The following NCOR2 variants were observed in gnomAD, a reference collection of about 807,000 sequenced individuals.
NCOR2 encodes CTG repeat protein 26.
NCOR2 carries 81 observed loss-of-function variants against 262.9 expected under a neutral mutation model. The ratio of observed to expected loss-of-function variants is 0.31; its 90% CI spans 0.26 to 0.37. The LOEUF (loss-of-function observed/expected upper bound fraction) is 0.37, where lower values mean the gene tolerates loss of function less well. Ranked by LOEUF, NCOR2 falls within the 10% of genes least tolerant of loss-of-function variation. NCOR2 has a pLI of 1.00. For synonymous variants in NCOR2, 1,659 were observed against 1,559.3 expected, an observed-to-expected ratio of 1.06 and a Z score of -1.51; for missense variants, 3,385 against 3,621.4, an observed-to-expected ratio of 0.93 and a Z score of 1.68.
intron 44 of NCOR2, among the ~76,000 whole-genome samples, chr12:124,330,574 C>T (rs1051128326): frequency 6.6e-6 from 1 of 152,230 alleles, no homozygotes; most frequent in African/African-American, 2.4e-5. Flanking sequence ...GAGTTTCCAG[C>T]TGGTGAGGGT....
chr12:124,330,785 G>T, intron 44 of NCOR2, 60 bp downstream of exon 46: 1 of 1,523,634 alleles, frequency 6.6e-7, no homozygotes, highest in Non-Finnish European at 8.9e-7. Flanking sequence ...AGCTGGAGCA[G>T]GGGTGGGGAG....
rs748272640 is a variant in NCOR2, at chr12:124,346,517, G to GC, written c.4359+46dup. On this transcript the variant is annotated intron_variant, in intron 31 of 46. Transcript: ENST00000405201. ...CCCAGGGCAGTGCCCCACAGCCACC[G>GC]CCACCCCTCCTAGAACTGGGCCCGT... 3.5e-6 allele frequency: 5 copies of GC among 1,424,946 alleles called. No individual in the cohort carries two copies. In the South Asian group the frequency reaches 4.5e-5, roughly 13 times the overall value. The allele number at this position is 1,424,946 out of a possible 1,614,324, so 88.3% of individuals were successfully genotyped here. A position where few individuals can be genotyped will look rare whatever the true frequency, so the allele number is the denominator to read the frequency against.
chr12:124,385,261 C>A (rs879269027), intron 17 of NCOR2, among the ~76,000 whole-genome samples: 1 of 152,182 alleles, frequency 6.6e-6, no homozygotes, highest in East Asian at 1.9e-4. Flanking sequence ...GGGGCTGAGA[C>A]GTCCGCCCCC....
At chr12:124,466,452 G>A (rs2046424102) in intron 4 of NCOR2, among the ~76,000 whole-genome samples, 166 bp from the exon 7 acceptor site, 1 of 152,138 alleles carries the variant, frequency 6.6e-6, no homozygotes, top group South Asian at 2.1e-4. Flanking sequence ...TCCGCACCCG[G>A]GAGAGGCCCC....
intron 1 of NCOR2, among the ~76,000 whole-genome samples, chr12:124,507,588 T>A (rs2049120429): frequency 6.6e-6 from 1 of 152,198 alleles, no homozygotes; most frequent in African/African-American, 2.4e-5. Context: ...AGGGCATGGC[T>A]GGGCAGCGAC....
intron 34 of NCOR2, 125 bp downstream of exon 36, chr12:124,341,698 T>A (rs2036475298): frequency 7.0e-7 from 1 of 1,422,278 alleles, no homozygotes; most frequent in African/African-American, 1.4e-5. Context: ...CCCACTCAGG[T>A]CCGTTCACAC....
intron 1 of NCOR2, among the ~76,000 whole-genome samples, chr12:124,501,360 G>A (rs73423681): frequency 1.3e-5 from 2 of 151,148 alleles, no homozygotes; most frequent in East Asian, 2.0e-4. Flanking sequence ...TGGCACACAC[G>A]AGGCGTATTA....
chr12:124,552,211 C>T (rs2051734465), intron 1 of NCOR2, among the ~76,000 whole-genome samples: 1 of 151,900 alleles, frequency 6.6e-6, no homozygotes, highest in Non-Finnish European at 1.5e-5. Context: ...GTCCCAGCTA[C>T]TCAGGAGGCT....
In NCOR2 at chr12:124,501,052, G is replaced by A. The variant is rs11057641; in HGVS notation, c.-117-5684C>T. Among the ~76,000 whole-genome samples, 35 of 27,024 alleles carry A rather than the reference G, an allele frequency of 1.3e-3. 1 individual carries two copies. In the South Asian group the frequency reaches 0.021, roughly 16 times the overall value. 17.7% of individuals were successfully genotyped at this position (27,024 alleles called of 152,430 possible). ...GAGAGCGCCCACGGCACGAGCGCGC[G>A]CGCACGCGCGCACACACACACACAC... On this transcript the variant is annotated intron_variant, in intron 1 of 46. Transcript: ENST00000404621.
rs1442754107 is a variant in NCOR2, at chr12:124,504,755, G to A, written c.-117-9387C>T. ...AACGCAGGTGAGCCCTGAAGACATGGCACAAAAGGCAAAGAAGCCGCTCAG... is the reference window on the plus strand; with the variant it reads ...AACGCAGGTGAGCCCTGAAGACATGACACAAAAGGCAAAGAAGCCGCTCAG... On this transcript the variant is annotated intron_variant, in intron 1 of 46. Coordinates refer to the NCOR2 transcript ENST00000404621. The surrounding 1 kb of genome is among the most constrained non-coding windows in gnomAD (Gnocchi z 4.5). Among the ~76,000 whole-genome samples the A allele has an allele frequency of 6.6e-6, 1 of 152,212 alleles. No homozygotes were observed. The highest frequency in any genetic ancestry group is 1.5e-5 in the Non-Finnish European group (1 of 68,038).
chr12:124,501,954 T>G (rs2048763414), intron 1 of NCOR2, among the ~76,000 whole-genome samples: 1 of 152,218 alleles, frequency 6.6e-6, no homozygotes, highest in Non-Finnish European at 1.5e-5. Context: ...ACAGCAGTTC[T>G]GGGATGTGCG....
At chr12:124,352,275 T>A (rs1246432080) in intron 27 of NCOR2, among the ~76,000 whole-genome samples, 1 of 152,144 alleles carries the variant, frequency 6.6e-6, no homozygotes, top group Non-Finnish European at 1.5e-5. Flanking sequence ...CATCAGATGG[T>A]CCATGTCAGA....
Position 124,495,075 on chromosome 12 carries a change from G to T in NCOR2, c.105+72C>A, listed in dbSNP as rs1219848994. ...AGCCTGGCTCCCAGGAGAAAGGAAG[G>T]GGTGAAGACTCAGTGGAATGGAAGA... On this transcript the variant is annotated intron_variant, in intron 1 of 46. Coordinates refer to ENST00000405201, the Ensembl canonical transcript of NCOR2. This position sits in a 1 kb window ranked among gnomAD's most constrained non-coding sequence, Gnocchi z 4.4. 4.5e-6 allele frequency: 7 copies of T among 1,551,074 alleles called. No homozygotes were observed. The highest frequency in any genetic ancestry group is 6.1e-6 in the Non-Finnish European group (7 of 1,143,276).
chr12:124,360,427 G>C (rs34367701), intron 22 of NCOR2, among the ~76,000 whole-genome samples: 4 of 152,326 alleles, frequency 2.6e-5, no homozygotes, highest in Admixed American at 6.5e-5. Flanking sequence ...AGCCTCTGTC[G>C]CCTGCCAAGA....
intron 1 of NCOR2, chr12:124,513,453 G>T (rs1201352036): frequency 6.6e-6 from 1 of 152,228 alleles, no homozygotes; most frequent in African/African-American, 2.4e-5. Context: ...CAGAAAACAG[G>T]ACCCGCCTCG....
intron 1 of NCOR2, among the ~76,000 whole-genome samples, chr12:124,560,071 G>A (rs1041757926): frequency 3.3e-5 from 5 of 152,230 alleles, no homozygotes; most frequent in African/African-American, 1.2e-4. Context: ...AGAAGGAGGG[G>A]TTTTAGGGCC....
rs1235638217 is a variant in NCOR2 at position 124,328,473 on chromosome 12, C to T, written c.6959-840G>A. 3.9e-5 allele frequency: 6 copies of T among 152,662 alleles called. No individual in the cohort carries two copies. In the East Asian group the frequency reaches 1.2e-3, roughly 29 times the overall value. 9.5% of individuals were successfully genotyped at this position (152,662 alleles called of 1,614,324 possible). A position where few individuals can be genotyped will look rare whatever the true frequency, so the allele number is the denominator to read the frequency against. The stretch of plus-strand genomic sequence containing the variant: ...CAAACCGGTCCCAAGAGGATGCTTC[C>T]AGAACACCTCCTGACAATCGGGGAA... On this transcript the variant is annotated intron_variant, in intron 44 of 46. Transcript: ENST00000405201.
intron 7 of NCOR2, 121 bp downstream of exon 9, chr12:124,449,694 C>A (rs957940695): frequency 6.5e-6 from 8 of 1,228,140 alleles, no homozygotes; most frequent in African/African-American, 1.5e-5. Context: ...GAGCACCTGG[C>A]CCTGGCCGGG....
upstream of NCOR2, chr12:124,567,582 C>G (rs1368097493): frequency 2.1e-5 from 3 of 146,142 alleles, no homozygotes; most frequent in African/African-American, 7.4e-5. Flanking sequence ...CCCGCGGCTC[C>G]GCGCTCCCCG....
Sources: gnomAD v4.1 joint callset for allele counts (sites outside exome capture counted in the v4.1 genomes callset) on GRCh38, gnomAD v4.1.1 for gene constraint, Gnocchi (gnomAD v3.1) non-coding constraint, MANE v1.5 for transcripts, NCBI Gene and HGNC (gene_info 2026-07-23, HGNC 2026-07-21) for gene names.